Variants in UST observed in about 807,000 individuals in gnomAD.
UST encodes chondroitin sulfate 2-O-sulfotransferase.
A neutral mutation model predicts 45.6 loss-of-function variants in UST; 21 were observed. That is an observed-to-expected ratio of 0.46 (90% CI 0.33 to 0.66). The LOEUF is 0.66. UST is among the 30% of genes least tolerant of loss of function. The probability of loss-of-function intolerance (pLI) is 0.02; values close to 1 mark genes in which losing one functional copy is unlikely to be tolerated. For missense variants in UST, 463 were observed against 512.4 expected, an observed-to-expected ratio of 0.90 and a Z score of 0.93; for synonymous variants, 215 against 200.6, an observed-to-expected ratio of 1.07 and a Z score of -0.61.
chr6:148,943,691 A>G (rs1780176541), intron 3 of UST, among the ~76,000 whole-genome samples: 1 of 152,196 alleles, frequency 6.6e-6, no homozygotes, highest in Non-Finnish European at 1.5e-5. Flanking sequence ...TCTGTGATAT[A>G]TTTGTACAAC....
chr6:149,055,926 C>T (rs1776555780), intron 7 of UST, among the ~76,000 whole-genome samples: 1 of 152,132 alleles, frequency 6.6e-6, no homozygotes, highest in African/African-American at 2.4e-5. Flanking sequence ...CATTTATAGC[C>T]TGTTGTTGAC....
intron 3 of UST, among the ~76,000 whole-genome samples, chr6:148,946,272 G>A (rs747779434): frequency 8.5e-5 from 13 of 152,174 alleles, no homozygotes; most frequent in Non-Finnish European, 1.6e-4. Flanking sequence ...AGCACTCTGG[G>A]AGGCCGAGGC....
At chr6:149,066,947 C>T (rs761127493) in intron 7 of UST, among the ~76,000 whole-genome samples, 4 of 151,952 alleles carry the variant, frequency 2.6e-5, no homozygotes, top group African/African-American at 4.8e-5. Context: ...TAAAATGCTA[C>T]ACAGGAGAAA....
chr6:148,935,529 C>T (rs1318033379), intron 2 of UST, among the ~76,000 whole-genome samples: 1 of 152,160 alleles, frequency 6.6e-6, no homozygotes, highest in Non-Finnish European at 1.5e-5. Context: ...ATGAAGATTT[C>T]GAGATTGATC....
intron 7 of UST, among the ~76,000 whole-genome samples, chr6:149,046,102 A>G (rs978588376): frequency 3.3e-5 from 5 of 152,210 alleles, no homozygotes; most frequent in African/African-American, 4.8e-5. Flanking sequence ...ATCCATACAC[A>G]GCTTTAATGC....
chr6:148,806,527 G>T (rs1337238613), intron 1 of UST, among the ~76,000 whole-genome samples: 2 of 151,778 alleles, frequency 1.3e-5, no homozygotes, highest in East Asian at 3.9e-4. Flanking sequence ...GTAGAGATGG[G>T]GTTTCACCAT....
At chr6:148,851,816 G>A (rs1778112226) in intron 1 of UST, among the ~76,000 whole-genome samples, 1 of 152,214 alleles carries the variant, frequency 6.6e-6, no homozygotes, top group South Asian at 2.1e-4. Context: ...TAAAGCCGAG[G>A]GGAGCCCTCC....
chr6:148,947,390 G>A (rs1780267231), intron 3 of UST, among the ~76,000 whole-genome samples: 1 of 152,142 alleles, frequency 6.6e-6, no homozygotes, highest in African/African-American at 2.4e-5. Flanking sequence ...GTGTATTCAG[G>A]TCCCACTGCA....
At chr6:148,939,832 A>G (rs952151669) in intron 2 of UST, among the ~76,000 whole-genome samples, 3 of 152,212 alleles carry the variant, frequency 2.0e-5, no homozygotes, top group African/African-American at 7.2e-5. Context: ...ATATGACACC[A>G]AAACCAAAAC....
At chr6:148,837,112 T>C (rs1777798109) in intron 1 of UST, among the ~76,000 whole-genome samples, 2 of 152,186 alleles carry the variant, frequency 1.3e-5, no homozygotes, top group African/African-American at 4.8e-5. Context: ...CTGATATATA[T>C]ACTGTGATGT....
intron 4 of UST, among the ~76,000 whole-genome samples, chr6:148,960,113 A>C (rs1780618326): frequency 6.6e-6 from 1 of 151,976 alleles, no homozygotes; most frequent in African/African-American, 2.4e-5. Flanking sequence ...ACACGGCGAA[A>C]CCCCATCTCT....
chr6:148,813,625 C>T (rs1315127924), intron 1 of UST, among the ~76,000 whole-genome samples: 1 of 152,128 alleles, frequency 6.6e-6, no homozygotes, highest in Non-Finnish European at 1.5e-5. Context: ...TGTGATCCAC[C>T]CACCTTGGCC....
chr6:149,063,678 G>A (rs907640453), intron 7 of UST, among the ~76,000 whole-genome samples: 3 of 152,198 alleles, frequency 2.0e-5, no homozygotes, highest in Admixed American at 6.5e-5. Context: ...CACAGACACA[G>A]CCAAGCCTTC....
At chr6:148,958,748 C>T (rs925437918) in intron 4 of UST, among the ~76,000 whole-genome samples, 1 of 152,118 alleles carries the variant, frequency 6.6e-6, no homozygotes. Context: ...GTTTTCTAAG[C>T]TTGTATTTTT....
intron 3 of UST, among the ~76,000 whole-genome samples, chr6:148,949,164 G>C (rs893293881): frequency 6.6e-6 from 1 of 151,804 alleles, no homozygotes. Context: ...GGTGGCAGGC[G>C]CCTATAATCC....
rs137898879 is a variant in UST, at chr6:148,828,603, G to A, written c.248-58383G>A. Among the ~76,000 whole-genome samples, 596 of 152,200 alleles carry A rather than the reference G, an allele frequency of 3.9e-3. 1 individual carries two copies. Among genetic ancestry groups the A allele is most frequent in the Middle Eastern group, 0.014 (4 of 294 alleles). ...ATTTATGTCCTTGGCAGGTTACTTGGCACCACTTGGTTTCACTTTTCTCAC... is the reference window on the plus strand; with the variant it reads ...ATTTATGTCCTTGGCAGGTTACTTGACACCACTTGGTTTCACTTTTCTCAC... On this transcript the variant is annotated intron_variant, in intron 1 of 7. Transcript: ENST00000367463.
At chr6:149,029,409 ATATATACATTATAT>A in intron 7 of UST, among the ~76,000 whole-genome samples, 1 of 139,000 alleles carries the variant, frequency 7.2e-6, no homozygotes, top group South Asian at 2.2e-4. Flanking sequence ...TATATATAAA[ATATATACATTATAT>A]TGTATACATT....
chr6:148,861,614 T>A (rs1409490037), intron 1 of UST, among the ~76,000 whole-genome samples: 2 of 152,234 alleles, frequency 1.3e-5, no homozygotes, highest in African/African-American at 4.8e-5. Context: ...AGATCTTTCC[T>A]GCTTTCTCTT....
Position 148,775,880 on chromosome 6 carries a change from C to G in UST, c.247+28203C>G, listed in dbSNP as rs562379089. On this transcript the variant is annotated intron_variant, in intron 1 of 7. Transcript: ENST00000367463. Reference sequence around the variant, plus strand: ...CTCCTGACCTCAGGAAATCTGCCCGCCTCAGCCTCCCAAAGTGCTGGGATT... The same window carrying G: ...CTCCTGACCTCAGGAAATCTGCCCGGCTCAGCCTCCCAAAGTGCTGGGATT... 1.3e-5 allele frequency among the ~76,000 whole-genome samples: 2 copies of G among 152,226 alleles called. 1 individual carries two copies. Among genetic ancestry groups the G allele is most frequent in the East Asian group, 3.9e-4 (2 of 5,164 alleles).
Sources: gnomAD v4.1 joint callset for allele counts (sites outside exome capture counted in the v4.1 genomes callset) on GRCh38, gnomAD v4.1.1 for gene constraint, MANE v1.5 for transcripts, NCBI Gene and HGNC (gene_info 2026-07-23, HGNC 2026-07-21) for gene names.